ATE1: variants seen among roughly 807,000 people sequenced by gnomAD.
The protein encoded by ATE1 is arginyltransferase 1.
A neutral mutation model predicts 70.5 loss-of-function variants in ATE1; 36 were observed. That is an observed-to-expected ratio of 0.51 (90% CI 0.39 to 0.67). The LOEUF (loss-of-function observed/expected upper bound fraction) is 0.67. ATE1 is among the 30% of genes least tolerant of loss of function. The pLI is 0.00. For synonymous variants in ATE1, 232 were observed against 219.3 expected (o/e 1.06, Z -0.51); for missense variants, 593 against 629.5 (o/e 0.94, Z 0.62).
At chr10:121,878,396 C>T (rs1408233056) in intron 7 of ATE1, among the ~76,000 whole-genome samples, 1 of 151,938 alleles carries the variant, frequency 6.6e-6, no homozygotes, top group African/African-American at 2.4e-5. Flanking sequence ...AGTTCGAGAC[C>T]AGCCTGGTCA....
At chr10:121,789,296 C>CTTT (rs3036893) in intron 11 of ATE1, among the ~76,000 whole-genome samples, 2,368 of 92,574 alleles carry the variant, frequency 0.026, 203 homozygotes, top group African/African-American at 0.071. Flanking sequence ...CAGGGCTATG[C>CTTT]TTTTTTTTTT....
intron 8 of ATE1, among the ~76,000 whole-genome samples, chr10:121,865,710 T>A (rs928994024): frequency 6.6e-6 from 1 of 152,194 alleles, no homozygotes. Context: ...AAAGCTCTTT[T>A]CCCATAAAGC....
chr10:121,772,338 A>AT lies in ATE1; in HGVS notation c.1378+17830dup, dbSNP rs1228580957. Among the ~76,000 whole-genome samples, 4 of 152,198 alleles carry AT rather than the reference A, an allele frequency of 2.6e-5. No individual in the cohort carries two copies. The East Asian group carries it at 7.7e-4, about 29-fold the overall frequency. ...AATTCTCAAATTAAATCATTCTTGGATTATTTTTCTTCATTTCTGAATGTG... is the reference window on the plus strand; with the variant it reads ...AATTCTCAAATTAAATCATTCTTGGATTTATTTTTCTTCATTTCTGAATGTG... On this transcript the variant is annotated intron_variant, in intron 11 of 11. Transcript: ENST00000224652.
chr10:121,874,209 C>T (rs1391665920), intron 7 of ATE1, among the ~76,000 whole-genome samples: 8 of 152,102 alleles, frequency 5.3e-5, no homozygotes, highest in Admixed American at 3.9e-4. Context: ...AAGTCAGTTA[C>T]GACTCTAAAT....
intron 5 of ATE1, among the ~76,000 whole-genome samples, chr10:121,904,390 C>T (rs576302736): frequency 1.5e-3 from 226 of 150,978 alleles, no homozygotes; most frequent in Non-Finnish European, 2.1e-3. Context: ...GCCTGTAATC[C>T]CAGCACTTTG....
At chr10:121,813,352 T>C (rs1177507544) in intron 10 of ATE1, among the ~76,000 whole-genome samples, 2 of 152,148 alleles carry the variant, frequency 1.3e-5, no homozygotes, top group Admixed American at 6.6e-5. Context: ...ATCTCAACCT[T>C]GGGTAAGAGG....
intron 5 of ATE1, among the ~76,000 whole-genome samples, chr10:121,904,040 C>T (rs1489536721): frequency 1.3e-5 from 2 of 150,558 alleles, no homozygotes; most frequent in East Asian, 2.0e-4. Flanking sequence ...AGTGCAGTGG[C>T]GCCATCTGAG....
chr10:121,850,952 A>G (rs1949028408), intron 8 of ATE1, among the ~76,000 whole-genome samples: 1 of 151,910 alleles, frequency 6.6e-6, no homozygotes. Context: ...TTAGCCAGGC[A>G]TGGTGGCGGG....
chr10:121,793,988 A>T (rs2133310491), intron 10 of ATE1, among the ~76,000 whole-genome samples: 1 of 152,322 alleles, frequency 6.6e-6, no homozygotes, highest in Admixed American at 6.5e-5. Flanking sequence ...ATTTATTGTG[A>T]TATAAGGTAT....
In ATE1 at chr10:121,742,927, T is replaced by G. The variant is rs1019508485; in HGVS notation, c.*753A>C. ...AACATTTTTCTTTAAAAAAATTCAA[T>G]TTCTTACATTTTTAGAAGTAAAGCA... On this transcript the variant is annotated 3_prime_UTR_variant, in exon 12 of 12. Coordinates refer to ENST00000224652, the MANE Select transcript of ATE1 (RefSeq NM_001001976.3). 4.1e-4 allele frequency: 63 copies of G among 152,338 alleles called. No homozygotes were observed. Among genetic ancestry groups the G allele is most frequent in the African/African-American group, 1.4e-3 (60 of 41,590 alleles). 9.4% of individuals were successfully genotyped at this position (152,338 alleles called of 1,614,324 possible). A position where few individuals can be genotyped will look rare whatever the true frequency, so the allele number is the denominator to read the frequency against.
intron 11 of ATE1, among the ~76,000 whole-genome samples, chr10:121,761,199 G>T (rs1184170022): frequency 6.6e-6 from 1 of 152,148 alleles, no homozygotes; most frequent in East Asian, 1.9e-4. Context: ...CTGAGCAGGT[G>T]CCAGTGCCAA....
intron 8 of ATE1, among the ~76,000 whole-genome samples, chr10:121,862,423 C>T (rs2133964209): frequency 6.6e-6 from 1 of 152,038 alleles, no homozygotes; most frequent in Middle Eastern, 3.4e-3. Context: ...GTGTTGTGAT[C>T]AAGGCTTACT....
chr10:121,898,952 G>T (rs775148110), intron 7 of ATE1: 2 of 1,613,750 alleles, frequency 1.2e-6, no homozygotes, highest in Non-Finnish European at 1.7e-6. Context: ...CCTCAAAGGA[G>T]ACAGGTACTA....
intron 11 of ATE1, among the ~76,000 whole-genome samples, chr10:121,756,727 A>T (rs533248719): frequency 6.6e-6 from 1 of 152,304 alleles, no homozygotes; most frequent in Admixed American, 6.5e-5. Flanking sequence ...TCACAGCTGG[A>T]GTGGCTGAGA....
intron 11 of ATE1, among the ~76,000 whole-genome samples, chr10:121,760,568 CA>C (rs1245666673): frequency 6.6e-6 from 1 of 152,188 alleles, no homozygotes; most frequent in Non-Finnish European, 1.5e-5. Flanking sequence ...GCTGCAATCT[CA>C]TGATAAAACT....
chr10:121,792,804 CTAAA>C (rs768033747), intron 10 of ATE1, among the ~76,000 whole-genome samples: 18 of 151,626 alleles, frequency 1.2e-4, no homozygotes, highest in Admixed American at 2.6e-4. Context: ...GGAAAAAAGG[CTAAA>C]TATAAAAGCT....
At chr10:121,782,407 A>G (rs1316955283) in intron 11 of ATE1, 2 of 152,336 alleles carry the variant, frequency 1.3e-5, no homozygotes, top group East Asian at 3.9e-4. Context: ...ATCCTAGGAT[A>G]CCCATCTTTT....
chr10:121,856,838 C>T (rs896768962), intron 8 of ATE1, among the ~76,000 whole-genome samples: 9 of 152,094 alleles, frequency 5.9e-5, no homozygotes, highest in African/African-American at 1.9e-4. Flanking sequence ...TGCAACGAAG[C>T]GTAACAAAAT....
In ATE1 at chr10:121,790,441, T is replaced by C. The variant is rs571348327; in HGVS notation, c.1258-152A>G. On this transcript the variant is annotated intron_variant, in intron 10 of 11. Transcript: ENST00000224652. ...AAATACTAAGCAACCCTGTAGCTGA[T>C]AGTTTTCCCATCTCATGAAAGCACG... 42 of 1,015,264 alleles carry C rather than the reference T, an allele frequency of 4.1e-5. No homozygotes were observed. The East Asian group carries it at 1.1e-3, about 26-fold the overall frequency. 62.9% of individuals were successfully genotyped at this position (1,015,264 alleles called of 1,614,324 possible). A position where few individuals can be genotyped will look rare whatever the true frequency, so the allele number is the denominator to read the frequency against.
Sources: gnomAD v4.1 joint callset for allele counts (sites outside exome capture counted in the v4.1 genomes callset) on GRCh38, gnomAD v4.1.1 for gene constraint, MANE v1.5 for transcripts, NCBI Gene and HGNC (gene_info 2026-07-23, HGNC 2026-07-21) for gene names.